The following OGG1 variants were observed in gnomAD, a reference collection of about 807,000 sequenced individuals.
The protein encoded by OGG1 is N-glycosylase/DNA lyase.
A neutral mutation model predicts 42.3 loss-of-function variants in OGG1; 35 were observed. That is an observed-to-expected ratio of 0.83 (90% confidence interval 0.63 to 1.10). OGG1 has a LOEUF of 1.10. Ranked by LOEUF, OGG1 falls within the 50% of genes least tolerant of loss-of-function variation. The pLI is 0.00. For synonymous variants in OGG1, 189 were observed against 179.0 expected, an observed-to-expected ratio of 1.06 and a Z score of -0.44; for missense variants, 484 against 446.7, an observed-to-expected ratio of 1.08 and a Z score of -0.75.
chr3:9,764,628 GTT>G (rs55972033), intron 7 of OGG1, among the ~76,000 whole-genome samples: 116 of 92,326 alleles, frequency 1.3e-3, no homozygotes, highest in African/African-American at 3.6e-3. Context: ...TTTTTTTTTT[GTT>G]TTTTTTTTTT....
At chr3:9,787,400 C>G in intron 3 of OGG1, 3 of 1,539,764 alleles carry the variant, frequency 1.9e-6, no homozygotes, top group Non-Finnish European at 2.6e-6. Flanking sequence ...ATGCTTCATT[C>G]ATTCATTCAC....
chr3:9,781,833 C>CTTTTTTTT (rs35246642), intron 3 of OGG1, among the ~76,000 whole-genome samples: 14 of 86,868 alleles, frequency 1.6e-4, no homozygotes, highest in Non-Finnish European at 1.9e-4. Flanking sequence ...CCCATTACTT[C>CTTTTTTTT]TTTTTTTTTT....
chr3:9,772,368 C>CT (rs1211071974), intron 2 of OGG1, among the ~76,000 whole-genome samples: 1 of 152,174 alleles, frequency 6.6e-6, no homozygotes, highest in Non-Finnish European at 1.5e-5. Flanking sequence ...CAAGAGGAAT[C>CT]TATAGTTCAC....
At chr3:9,769,070 C>T (rs1028913599), downstream of OGG1, among the ~76,000 whole-genome samples, 3 of 152,058 alleles carry the variant, frequency 2.0e-5, no homozygotes, top group Admixed American at 6.6e-5. Flanking sequence ...ATCCACATCC[C>T]GTGACACCTG....
At chr3:9,758,822 G>T (rs2125565426), downstream of OGG1, 1 of 287,286 alleles carries the variant, frequency 3.5e-6, no homozygotes, top group African/African-American at 2.2e-5. Context: ...TAGAGACAGG[G>T]TTTTGCCATG....
intron 2 of OGG1, among the ~76,000 whole-genome samples, chr3:9,776,543 C>G (rs2078367896): frequency 6.6e-6 from 1 of 152,034 alleles, no homozygotes; most frequent in South Asian, 2.1e-4. Context: ...GTGCCCGCCA[C>G]CACGCCCGGC....
chr3:9,763,184 T>C lies in OGG1; in HGVS notation c.1049-2625T>C, dbSNP rs149094214. ...GTGGCCCCCACTCTCATAGATGTCA[T>C]CCAGGGCTACAATGTTGGGGTGCTT... is the stretch of plus-strand genomic sequence containing the variant. On this transcript the variant is annotated intron_variant, in intron 7 of 7. Transcript: ENST00000302008. 483 of 1,613,846 alleles carry C rather than the reference T, an allele frequency of 3.0e-4. No individual in the cohort carries two copies. Among genetic ancestry groups the C allele is most frequent in the Non-Finnish European group, 3.6e-4 (423 of 1,180,024 alleles).
chr3:9,753,518 G>A (rs766389748), intron 3 of OGG1, among the ~76,000 whole-genome samples: 1 of 151,970 alleles, frequency 6.6e-6, no homozygotes, highest in Non-Finnish European at 1.5e-5. Context: ...GCCGGGTGTG[G>A]TGGTGGGCGC....
At chr3:9,761,458 T>TA (rs1173490516), downstream of OGG1, 2 of 1,608,790 alleles carry the variant, frequency 1.2e-6, no homozygotes, top group Non-Finnish European at 1.7e-6. Flanking sequence ...AAGCCCCACT[T>TA]ACAAGATGTA....
intron 3 of OGG1, chr3:9,784,356 AG>A: frequency 5.5e-6 from 6 of 1,083,640 alleles, no homozygotes; most frequent in Non-Finnish European, 7.6e-6. Context: ...ATACAAAGGG[AG>A]GGACAGACAC....
At chr3:9,789,676 A>T, downstream of OGG1, 1 of 1,609,400 alleles carries the variant, frequency 6.2e-7, no homozygotes, top group Non-Finnish European at 8.5e-7. Flanking sequence ...CACCACCAGA[A>T]CCTTGAGGCC....
In OGG1 at chr3:9,751,327, G is replaced by C. The variant is rs1339127741; in HGVS notation, c.385+135G>C. ...ATGAGGATTTAAGGAACTAATACAT[G>C]TAAAGTGCTTAGAATAATGCCAGGC... is the stretch of plus-strand genomic sequence containing the variant. On this transcript the variant is annotated intron_variant, in intron 2 of 6. Coordinates refer to ENST00000344629, the MANE Select transcript of OGG1 (RefSeq NM_002542.6). 3 of 876,926 alleles carry C rather than the reference G, an allele frequency of 3.4e-6. No individual in the cohort carries two copies. In the Admixed American group the frequency reaches 6.2e-5, roughly 18 times the overall value. 54.3% of individuals were successfully genotyped at this position (876,926 alleles called of 1,614,324 possible). A position where few individuals can be genotyped will look rare whatever the true frequency, so the allele number is the denominator to read the frequency against.
chr3:9,757,733 A>T, downstream of OGG1: 1 of 1,614,112 alleles, frequency 6.2e-7, no homozygotes, highest in Non-Finnish European at 8.5e-7. This position sits in a 1 kb window ranked among gnomAD's most constrained non-coding sequence, Gnocchi z 4.5. Flanking sequence ...CCTCACCCCC[A>T]GCCACTGGTG....
At chr3:9,771,601 G>C (rs897920083), downstream of OGG1, among the ~76,000 whole-genome samples, 2 of 152,082 alleles carry the variant, frequency 1.3e-5, no homozygotes, top group Non-Finnish European at 2.9e-5. Flanking sequence ...GGGGTTAAGG[G>C]ATCCATCTTC....
chr3:9,765,992 G>A lies in OGG1; in HGVS notation c.*161G>A. 1.9e-6 allele frequency: 3 copies of A among 1,614,180 alleles called. No individual in the cohort carries two copies. The South Asian group carries it at 3.3e-5, about 18-fold the overall frequency. On this transcript the variant is annotated 3_prime_UTR_variant, in exon 8 of 8. Transcript: ENST00000302008. ...GTTCTGTGACCACTGCTGGACCAAG[G>A]ACGTGGATGACCCTCCCCTAGTCAC...
intron 3 of OGG1, among the ~76,000 whole-genome samples, chr3:9,784,855 A>T (rs938000267): frequency 5.3e-5 from 8 of 150,058 alleles, no homozygotes; most frequent in Non-Finnish European, 1.2e-4. Context: ...CAAGAGCGAG[A>T]CTCCATCTCA....
At chr3:9,750,498 C>T in intron 1 of OGG1, 75 bp downstream of exon 1, 1 of 1,596,338 alleles carries the variant, frequency 6.3e-7, no homozygotes, top group Non-Finnish European at 8.5e-7. Context: ...GCATGGGGTA[C>T]AAAGGAATTT....
At chr3:9,750,674 C>T in intron 1 of OGG1, 1 of 696,870 alleles carries the variant, frequency 1.4e-6, no homozygotes, top group South Asian at 1.8e-5. Context: ...GGGTCTCGCT[C>T]TGTTGCCCAG....
intron 3 of OGG1, among the ~76,000 whole-genome samples, chr3:9,753,851 C>T (rs1276621606): frequency 6.6e-6 from 1 of 152,110 alleles, no homozygotes; most frequent in Admixed American, 6.5e-5. Context: ...AAGAGCACGG[C>T]GTTAGCCAGG....
Sources: gnomAD v4.1 joint callset for allele counts (sites outside exome capture counted in the v4.1 genomes callset) on GRCh38, gnomAD v4.1.1 for gene constraint, Gnocchi (gnomAD v3.1) non-coding constraint, MANE v1.5 for transcripts, NCBI Gene and HGNC (gene_info 2026-07-23, HGNC 2026-07-21) for gene names.